SH3GL3: variants seen among roughly 807,000 people sequenced by gnomAD.
The protein encoded by SH3GL3 is SH3 domain containing GRB2 like 3, endophilin A3.
SH3GL3 carries 33 observed loss-of-function variants against 47.7 expected under a neutral mutation model. The observed-to-expected ratio is 0.69, with a 90% CI of 0.52 to 0.92. The LOEUF (loss-of-function observed/expected upper bound fraction) is 0.92, where lower values mean the gene tolerates loss of function less well. Ranked by LOEUF, SH3GL3 falls within the 40% of genes least tolerant of loss-of-function variation. The pLI is 0.00. For synonymous variants in SH3GL3, 155 were observed against 148.8 expected, an observed-to-expected ratio of 1.04 and a Z score of -0.30; for missense variants, 363 against 417.8, an observed-to-expected ratio of 0.87 and a Z score of 1.14.
At chr15:83,569,816 G>T (rs2045729463) in intron 4 of SH3GL3, among the ~76,000 whole-genome samples, 1 of 152,132 alleles carries the variant, frequency 6.6e-6, no homozygotes, top group Non-Finnish European at 1.5e-5. Context: ...TTTGTGAATT[G>T]TGTGTTTGTG....
At chr15:83,559,775 C>T (rs1036499991) in intron 2 of SH3GL3, among the ~76,000 whole-genome samples, 4 of 152,136 alleles carry the variant, frequency 2.6e-5, no homozygotes, top group African/African-American at 9.7e-5. Context: ...CCTGGTTCTG[C>T]CTGTAGAACC....
chr15:83,611,082 G>A (rs1256174291), intron 8 of SH3GL3, among the ~76,000 whole-genome samples: 1 of 151,540 alleles, frequency 6.6e-6, no homozygotes, highest in Non-Finnish European at 1.5e-5. Flanking sequence ...TGGGGGAGGG[G>A]CACCGCAAAT....
chr15:83,542,519 T>C (rs1164554606), intron 1 of SH3GL3, among the ~76,000 whole-genome samples: 2 of 152,182 alleles, frequency 1.3e-5, no homozygotes, highest in Non-Finnish European at 2.9e-5. Context: ...ATGTCATTGG[T>C]AGTTTGATAA....
chr15:83,478,792 G>T (rs896059538), intron 1 of SH3GL3, among the ~76,000 whole-genome samples: 1 of 152,162 alleles, frequency 6.6e-6, no homozygotes, highest in African/African-American at 2.4e-5. Context: ...CTCAACTTTG[G>T]GGATTAAATG....
intron 8 of SH3GL3, among the ~76,000 whole-genome samples, chr15:83,590,729 G>GT (rs2060071959): frequency 6.6e-6 from 1 of 152,074 alleles, no homozygotes; most frequent in Non-Finnish European, 1.5e-5. Context: ...TTGGTGAAAT[G>GT]TTTCTTCATG....
intron 2 of SH3GL3, among the ~76,000 whole-genome samples, chr15:83,561,958 CCT>C (rs1041536630): frequency 2.0e-5 from 3 of 150,392 alleles, no homozygotes; most frequent in Non-Finnish European, 4.4e-5. Flanking sequence ...ATTCTGCTTC[CCT>C]CTATTTTTCT....
chr15:83,456,161 C>T lies in SH3GL3; in HGVS notation c.45+8583C>T, dbSNP rs1178148057. Reference sequence around the variant, plus strand: ...GGGACCCACTTGAGGAGGCAGTCTGCCCGTTCTCAGATCTCCAGCTGCGTG... The same window carrying T: ...GGGACCCACTTGAGGAGGCAGTCTGTCCGTTCTCAGATCTCCAGCTGCGTG... On this transcript the variant is annotated intron_variant, in intron 1 of 8. Transcript: ENST00000427482. Among the ~76,000 whole-genome samples, 19 of 73,972 alleles carry T rather than the reference C, an allele frequency of 2.6e-4. 2 individuals are homozygous for T. Among genetic ancestry groups the T allele is most frequent in the African/African-American group, 8.9e-4 (19 of 21,346 alleles). 48.5% of individuals were successfully genotyped at this position (73,972 alleles called of 152,430 possible).
chr15:83,449,545 G>A (rs1474019768), intron 1 of SH3GL3, among the ~76,000 whole-genome samples: 1 of 152,200 alleles, frequency 6.6e-6, no homozygotes, highest in East Asian at 1.9e-4. Flanking sequence ...CAGAGATAAC[G>A]TAAGCCCTTG....
At chr15:83,572,517 G>A (rs747054630) in intron 4 of SH3GL3, 48 bp from the exon 5 acceptor site, 1 of 1,534,546 alleles carries the variant, frequency 6.5e-7, no homozygotes, top group South Asian at 1.2e-5. Context: ...CTGTTAACCT[G>A]GAGTAGTGTT....
intron 5 of SH3GL3, among the ~76,000 whole-genome samples, chr15:83,574,384 C>T (rs1848400363): frequency 6.6e-6 from 1 of 152,288 alleles, no homozygotes; most frequent in East Asian, 1.9e-4. Context: ...AAACATGTCC[C>T]TGTTGCTCTC....
At chr15:83,580,418 C>A (rs2059799937) in intron 6 of SH3GL3, among the ~76,000 whole-genome samples, 1 of 152,160 alleles carries the variant, frequency 6.6e-6, no homozygotes, top group South Asian at 2.1e-4. Flanking sequence ...TGAGTGGCTG[C>A]AAGGGAAGCC....
chr15:83,499,343 T>A (rs777359134), intron 1 of SH3GL3, among the ~76,000 whole-genome samples: 3 of 149,742 alleles, frequency 2.0e-5, no homozygotes, highest in Non-Finnish European at 2.9e-5. Context: ...GTAAATCTGA[T>A]ATTTATGTTA....
At chr15:83,576,411 G>A (rs2059679820) in intron 5 of SH3GL3, among the ~76,000 whole-genome samples, 172 bp from the exon 6 acceptor site, 4 of 152,146 alleles carry the variant, frequency 2.6e-5, no homozygotes, top group Admixed American at 2.6e-4. Context: ...AGCACCTGAA[G>A]TGAGGGGAGC....
At chr15:83,457,085 C>A (rs2040025780) in intron 1 of SH3GL3, among the ~76,000 whole-genome samples, 3 of 152,202 alleles carry the variant, frequency 2.0e-5, no homozygotes, top group Admixed American at 2.0e-4. Flanking sequence ...AGTAATTTTT[C>A]TTGACAGCAT....
chr15:83,476,726 T>C (rs547389352), intron 1 of SH3GL3, among the ~76,000 whole-genome samples: 1 of 152,362 alleles, frequency 6.6e-6, no homozygotes, highest in Admixed American at 6.5e-5. Flanking sequence ...TGCTTTTGTA[T>C]TACAAGGGCA....
At position 83,566,363 on chromosome 15, in the gene SH3GL3, A is replaced by AGTGTGTGT. The variant is rs1420988424; in HGVS notation, c.187+1158_187+1159insTGTGTGTG. ...AAGATGGGCAGAGAGAGAGAGAGAG[A>AGTGTGTGT]GAGTGTGTGTGTGTGTGTGTGTGTG... On this transcript the variant is annotated intron_variant, in intron 3 of 8. Transcript: ENST00000427482. Among the ~76,000 whole-genome samples, 491 of 128,234 alleles carry AGTGTGTGT rather than the reference A, an allele frequency of 3.8e-3. 2 individuals carry two copies. Among genetic ancestry groups the AGTGTGTGT allele is most frequent in the South Asian group, 0.012 (42 of 3,592 alleles). The allele number at this position is 128,234 out of a possible 152,430, so 84.1% of individuals were successfully genotyped here.
chr15:83,464,054 G>A (rs996079820), intron 1 of SH3GL3, among the ~76,000 whole-genome samples: 4 of 152,044 alleles, frequency 2.6e-5, no homozygotes, highest in Admixed American at 1.3e-4. Context: ...GAGCCACCGC[G>A]CCAGGCCCTC....
chr15:83,515,223 A>G (rs2042931629), intron 1 of SH3GL3, among the ~76,000 whole-genome samples: 1 of 152,238 alleles, frequency 6.6e-6, no homozygotes, highest in African/African-American at 2.4e-5. Context: ...GCCCGAGTTC[A>G]TAAGTGAGAG....
At position 83,572,698 on chromosome 15, in the gene SH3GL3, G is replaced by T; in HGVS notation, c.465G>T (p.Gly155=). 1.2e-6 allele frequency: 2 copies of T among 1,605,222 alleles called. No individual in the cohort carries two copies. Among genetic ancestry groups the T allele is most frequent in the Non-Finnish European group, 1.7e-6 (2 of 1,173,338 alleles). The change falls in exon 5 of 9, where the codon GGG becomes GGT. Residue 155 remains glycine (G), a splice_region_variant and synonymous_variant. Coordinates refer to ENST00000427482, the MANE Select transcript of SH3GL3 (RefSeq NM_003027.5). Reference sequence around the variant, plus strand: ...AAGATAAAGATTTAAAAGAGATCGGGGTAAGTCTTCCAGGGTATAAATATA... The same window carrying T: ...AAGATAAAGATTTAAAAGAGATCGGTGTAAGTCTTCCAGGGTATAAATATA... ...LLQDKDLKEI[G]HHLKKLEGRR... is the part of the protein sequence containing the mutation.
Sources: allele counts gnomAD v4.1 joint callset (sites outside exome capture counted in the v4.1 genomes callset), GRCh38; gene constraint gnomAD v4.1.1; transcripts MANE v1.5; gene names NCBI Gene and HGNC (gene_info 2026-07-23, HGNC 2026-07-21).